PLAAT4: variants seen among roughly 807,000 people sequenced by gnomAD.
PLAAT4 encodes HRAS-like suppressor 4.
In PLAAT4, 12 loss-of-function variants were observed where a neutral mutation model predicts 14.1. The ratio of observed to expected loss-of-function variants is 0.85; its 90% CI spans 0.54 to 1.37. The LOEUF (loss-of-function observed/expected upper bound fraction) is 1.37, where lower values mean the gene tolerates loss of function less well. PLAAT4 is among the 40% of genes most tolerant of loss of function. The probability of loss-of-function intolerance (pLI) is 0.00; values close to 1 mark genes in which losing one functional copy is unlikely to be tolerated. For missense variants in PLAAT4, 163 were observed against 211.7 expected (o/e 0.77, Z 1.43); for synonymous variants, 77 against 79.8 (o/e 0.96, Z 0.19).
In PLAAT4 at chr11:63,539,529, C is replaced by A. The variant is rs758697902; in HGVS notation, c.23C>A (p.Pro8His). Reference protein sequence around the residue: MASPHQEPKPGDLIEIFR... With the variant: MASPHQEHKPGDLIEIFR... Reference sequence around the variant, plus strand: ...TTTCTGTTGCAGCCACACCAAGAGCCCAAACCTGGAGACCTGATTGAGATT... The same window carrying A: ...TTTCTGTTGCAGCCACACCAAGAGCACAAACCTGGAGACCTGATTGAGATT... The change falls in exon 2 of 4, where the codon CCC becomes CAC. Residue 8 changes from proline to histidine, a missense_variant. Pro to His is a moderately conservative substitution (Grantham distance 77, BLOSUM62 -2). Transcript: ENST00000255688. 2.3e-5 allele frequency: 37 copies of A among 1,614,012 alleles called. No individual in the cohort carries two copies. The highest frequency in any genetic ancestry group is 3.1e-5 in the Non-Finnish European group (37 of 1,179,928).
At chr11:63,539,895 A>C (rs2017307927) in intron 2 of PLAAT4, among the ~76,000 whole-genome samples, 1 of 152,234 alleles carries the variant, frequency 6.6e-6, no homozygotes, top group South Asian at 2.1e-4. Flanking sequence ...CCGGAGGCAG[A>C]GGTTGCAGTG....
chr11:63,540,120 C>A (rs79273752), intron 2 of PLAAT4, among the ~76,000 whole-genome samples: 1 of 152,230 alleles, frequency 6.6e-6, no homozygotes, highest in Admixed American at 6.5e-5. Flanking sequence ...CCTGGCAGAA[C>A]GGAAGAAGAG....
chr11:63,540,093 C>T (rs2017309580), intron 2 of PLAAT4, among the ~76,000 whole-genome samples: 4 of 152,268 alleles, frequency 2.6e-5, no homozygotes, highest in African/African-American at 9.6e-5. Context: ...GAAGTAGACA[C>T]AGTGCATTCC....
intron 3 of PLAAT4, 66 bp from the exon 4 acceptor site, chr11:63,546,083 C>T (rs1024875994): frequency 1.5e-6 from 2 of 1,339,914 alleles, no homozygotes; most frequent in Non-Finnish European, 2.1e-6. Flanking sequence ...GTTCCAGGCC[C>T]TTGGGAGGGA....
chr11:63,545,087 C>A, intron 3 of PLAAT4, 198 bp downstream of exon 3: 2 of 711,952 alleles, frequency 2.8e-6, no homozygotes, highest in Non-Finnish European at 2.4e-6. Context: ...TCCCCCCAGG[C>A]CTCTCCATGT....
chr11:63,539,628 A>G lies in PLAAT4; in HGVS notation c.118+4A>G. The G allele has an allele frequency of 6.3e-7, 1 of 1,584,962 alleles. No individual in the cohort carries two copies. Among genetic ancestry groups the G allele is most frequent in the Non-Finnish European group, 8.7e-7 (1 of 1,154,290 alleles). ...GTGATCCATCTGGCTCCTCCAAGTA[A>G]GGACTGATGAATATATAATTTTCAA... On this transcript the variant is annotated splice_donor_region_variant and intron_variant, in intron 2 of 3. Coordinates refer to ENST00000255688, the MANE Select transcript of PLAAT4 (RefSeq NM_004585.5).
At chr11:63,539,222 ACATGCACACACATCTGCATCCTCAG>A (rs1294657740) in intron 1 of PLAAT4, among the ~76,000 whole-genome samples, 3 of 152,182 alleles carry the variant, frequency 2.0e-5, no homozygotes, top group Admixed American at 2.0e-4. Flanking sequence ...TACAATGCAC[ACATGCACACACATCTGCATCCTCAG>A]CATGCACACA....
rs1308001916 is a variant in PLAAT4 at position 63,546,309 on chromosome 11, G to A, written c.*53G>A. Reference sequence around the variant, plus strand: ...CAGCTGTGGGGGTCCCAGTGGAGATGAGCCTCCCCCATGCCTCCAGCAGCC... The same window carrying A: ...CAGCTGTGGGGGTCCCAGTGGAGATAAGCCTCCCCCATGCCTCCAGCAGCC... On this transcript the variant is annotated 3_prime_UTR_variant, in exon 4 of 4. Coordinates refer to ENST00000255688, the MANE Select transcript of PLAAT4 (RefSeq NM_004585.5). The A allele has an allele frequency of 1.0e-5, 16 of 1,536,064 alleles. 1 individual carries two copies. The highest frequency in any genetic ancestry group is 8.9e-5 in the South Asian group (8 of 89,388).
intron 2 of PLAAT4, among the ~76,000 whole-genome samples, chr11:63,540,527 G>GA (rs59402425): frequency 0.19 from 28,232 of 152,086 alleles, 3,748 homozygotes; most frequent in East Asian, 0.66. Flanking sequence ...AATGAAAGGG[G>GA]AAAAAACGAA....
chr11:63,540,150 A>G (rs1445515548), intron 2 of PLAAT4, among the ~76,000 whole-genome samples: 1 of 152,246 alleles, frequency 6.6e-6, no homozygotes, highest in Non-Finnish European at 1.5e-5. Flanking sequence ...TCCCGCAGCG[A>G]AGCTGGGCTG....
At chr11:63,541,479 C>T (rs996804984) in intron 2 of PLAAT4, among the ~76,000 whole-genome samples, 2 of 151,702 alleles carry the variant, frequency 1.3e-5, no homozygotes, top group Admixed American at 6.6e-5. Flanking sequence ...CATGAGCCAC[C>T]GCGCTCAGCC....
At chr11:63,539,727 C>T (rs374730713) in intron 2 of PLAAT4, 103 bp downstream of exon 2, 10 of 796,110 alleles carry the variant, frequency 1.3e-5, no homozygotes, top group Admixed American at 8.0e-5. Context: ...TTTGAGAGGC[C>T]GAGGTGGGCA....
chr11:63,544,495 C>A, intron 2 of PLAAT4, 126 bp from the exon 3 acceptor site: 5 of 1,268,136 alleles, frequency 3.9e-6, no homozygotes, highest in Non-Finnish European at 4.3e-6. Flanking sequence ...AAAAAAAAAG[C>A]AAAATCTGTG....
intron 1 of PLAAT4, among the ~76,000 whole-genome samples, chr11:63,539,043 G>C (rs1430636701): frequency 6.6e-6 from 1 of 152,150 alleles, no homozygotes. Flanking sequence ...GTCTGAGGAG[G>C]AGGTGGCTCT....
At chr11:63,538,157 T>A (rs2134355283) in intron 1 of PLAAT4, among the ~76,000 whole-genome samples, 2 of 152,004 alleles carry the variant, frequency 1.3e-5, no homozygotes, top group South Asian at 4.2e-4. Flanking sequence ...GGGGCTGGGA[T>A]GTCACTCAGT....
intron 2 of PLAAT4, 111 bp downstream of exon 2, chr11:63,539,735 G>T (rs1427374782): frequency 1.3e-5 from 9 of 702,308 alleles, no homozygotes; most frequent in Admixed American, 5.6e-5. Flanking sequence ...GCCGAGGTGG[G>T]CAGATTACCT....
In PLAAT4 at chr11:63,544,754, C is replaced by T. The variant is rs755445104; in HGVS notation, c.252C>T (p.Tyr84=). The change falls in exon 3 of 4, where the codon TAC becomes TAT. Residue 84 remains tyrosine (Y), a synonymous_variant. Transcript: ENST00000255688. ...YRVNNSLDHE[Y]QPRPVEVIIS... The stretch of plus-strand genomic sequence containing the variant: ...TCAACAACAGCTTGGACCATGAGTA[C>T]CAACCACGGCCCGTGGAGGTGATCA... 3 of 1,614,030 alleles carry T rather than the reference C, an allele frequency of 1.9e-6. No homozygotes were observed. The African/African-American group carries it at 4.0e-5, about 22-fold the overall frequency.
Position 63,544,799 on chromosome 11 carries a change from G to A in PLAAT4, c.297G>A (p.Met99Ile). 1 of 1,614,184 alleles carries A rather than the reference G, an allele frequency of 6.2e-7. No homozygotes were observed. The highest frequency in any genetic ancestry group is 2.2e-5 in the East Asian group (1 of 44,876). The stretch of plus-strand genomic sequence containing the variant: ...TGATCATCAGTTCTGCGAAGGAGAT[G>A]GTTGGTCAGAAGATGAAGTACAGTA... Reference protein sequence around the residue: ...VEVIISSAKEMVGQKMKYSIV... With the variant: ...VEVIISSAKEIVGQKMKYSIV... The change falls in exon 3 of 4, where the codon ATG becomes ATA. Residue 99 changes from methionine to isoleucine, a missense_variant. Met to Ile is a conservative substitution (Grantham distance 10). Transcript: ENST00000255688.
At chr11:63,546,032 C>T (rs1296204837) in intron 3 of PLAAT4, 117 bp from the exon 4 acceptor site, 1 of 825,322 alleles carries the variant, frequency 1.2e-6, no homozygotes, top group Non-Finnish European at 2.1e-6. Flanking sequence ...GAGGAGATGC[C>T]AGGCCTTAGG....
Sources: allele counts gnomAD v4.1 joint callset (sites outside exome capture counted in the v4.1 genomes callset), GRCh38; gene constraint gnomAD v4.1.1; transcripts MANE v1.5; gene names NCBI Gene and HGNC (gene_info 2026-07-23, HGNC 2026-07-21).